The following DLC1 variants were observed in gnomAD, a reference collection of about 807,000 sequenced individuals.
The protein encoded by DLC1 is rho GTPase-activating protein 7.
DLC1 carries 54 observed loss-of-function variants against 140.3 expected under a neutral mutation model. That is an observed-to-expected ratio of 0.38 (90% CI 0.31 to 0.48). The LOEUF is 0.48. Ranked by LOEUF, DLC1 falls within the 20% of genes least tolerant of loss-of-function variation. The pLI, the probability that DLC1 is intolerant of heterozygous loss-of-function variation, is 0.96. For missense variants in DLC1, 2,536 were observed against 1,907.0 expected (o/e 1.33, Z -6.14); for synonymous variants, 986 against 728.1 (o/e 1.35, Z -5.70).
intron 5 of DLC1, among the ~76,000 whole-genome samples, chr8:13,206,977 C>T (rs1434943296): frequency 1.3e-5 from 2 of 151,782 alleles, no homozygotes; most frequent in Non-Finnish European, 2.9e-5. Context: ...TTTGTTTCTC[C>T]AAGATAAAGA....
chr8:13,458,455 A>T (rs1391428392), intron 2 of DLC1, among the ~76,000 whole-genome samples: 1 of 152,232 alleles, frequency 6.6e-6, no homozygotes, highest in African/African-American at 2.4e-5. Context: ...GGTAAGATAC[A>T]GTCAGCAAAA....
intron 2 of DLC1, among the ~76,000 whole-genome samples, chr8:13,483,766 A>T (rs562998661): frequency 6.6e-6 from 1 of 152,106 alleles, no homozygotes; most frequent in African/African-American, 2.4e-5. Flanking sequence ...TAGAAGGGAG[A>T]AGTACAGATT....
At chr8:13,487,403 G>A (rs1801017406) in intron 2 of DLC1, among the ~76,000 whole-genome samples, 1 of 151,966 alleles carries the variant, frequency 6.6e-6, no homozygotes, top group Non-Finnish European at 1.5e-5. Flanking sequence ...TTGACATTCA[G>A]TCTCAAAATT....
chr8:13,174,605 C>T (rs1372032632), intron 5 of DLC1, among the ~76,000 whole-genome samples: 2 of 152,112 alleles, frequency 1.3e-5, no homozygotes, highest in African/African-American at 4.8e-5. Context: ...ATTTGCATTT[C>T]TCTGATGATT....
Position 13,202,502 on chromosome 8 carries a change from C to T in DLC1, c.1349-86845G>A, listed in dbSNP as rs778780528. On this transcript the variant is annotated intron_variant, in intron 5 of 17. Transcript: ENST00000276297. ...TATTCTCCAGACTTAGTAAAATTGC[C>T]GTCTTTCTACCATCTCTGCAGAATT... Among the ~76,000 whole-genome samples the T allele has an allele frequency of 7.4e-4, 113 of 152,122 alleles. 2 individuals are homozygous for T. The highest frequency in any genetic ancestry group is 1.1e-3 in the Non-Finnish European group (76 of 67,984).
intron 2 of DLC1, among the ~76,000 whole-genome samples, chr8:13,479,796 G>GA (rs1408640401): frequency 9.6e-5 from 2 of 20,928 alleles, no homozygotes; most frequent in African/African-American, 2.3e-4. Flanking sequence ...GGAAAAGAAA[G>GA]AAAGAAAAGA....
chr8:13,102,149 T>C (rs1355373740), intron 8 of DLC1, among the ~76,000 whole-genome samples: 1 of 152,190 alleles, frequency 6.6e-6, no homozygotes, highest in Non-Finnish European at 1.5e-5. Flanking sequence ...ACCAGACTCA[T>C]TCCTGTTTAC....
chr8:13,529,346 C>G (rs1211452553), intron 1 of DLC1, among the ~76,000 whole-genome samples: 1 of 152,094 alleles, frequency 6.6e-6, no homozygotes, highest in Non-Finnish European at 1.5e-5. Flanking sequence ...GCATTATACC[C>G]TACAATAATT....
chr8:13,290,569 T>G (rs1831717978), intron 5 of DLC1, among the ~76,000 whole-genome samples: 1 of 152,196 alleles, frequency 6.6e-6, no homozygotes, highest in African/African-American at 2.4e-5. Context: ...ACATGTGGTT[T>G]TTATTATATA....
At chr8:13,422,745 C>T (rs530790494) in intron 2 of DLC1, among the ~76,000 whole-genome samples, 9 of 151,872 alleles carry the variant, frequency 5.9e-5, no homozygotes, top group Admixed American at 4.6e-4. Flanking sequence ...TAAATAAATC[C>T]TCTCTTAAGG....
intron 2 of DLC1, among the ~76,000 whole-genome samples, chr8:13,481,762 G>C (rs1276374295): frequency 2.0e-5 from 3 of 152,104 alleles, no homozygotes; most frequent in African/African-American, 7.2e-5. Context: ...ACTTTATTTG[G>C]AAATAGGGTT....
In DLC1 at chr8:13,116,102, G is replaced by A. The variant is rs1448603710; in HGVS notation, c.1349-445C>T. On this transcript the variant is annotated intron_variant, in intron 5 of 17. Transcript: ENST00000276297. Reference sequence around the variant, plus strand: ...TAGAATTTATCTGAGTAAAGTCACAGGCTTTCTGACACCCAGGGGTTGGGT... The same window carrying A: ...TAGAATTTATCTGAGTAAAGTCACAAGCTTTCTGACACCCAGGGGTTGGGT... The A allele has an allele frequency of 8.2e-6, 8 of 971,934 alleles. No individual in the cohort carries two copies. The African/African-American group carries it at 1.4e-4, about 17-fold the overall frequency. The allele number at this position is 971,934 out of a possible 1,614,324, so 60.2% of individuals were successfully genotyped here. A position where few individuals can be genotyped will look rare whatever the true frequency, so the allele number is the denominator to read the frequency against.
chr8:13,235,527 T>A (rs1309969074), intron 5 of DLC1, among the ~76,000 whole-genome samples: 1 of 152,062 alleles, frequency 6.6e-6, no homozygotes, highest in Admixed American at 6.6e-5. Context: ...AAGTAGCTAT[T>A]CTAGGCAGAT....
intron 7 of DLC1, among the ~76,000 whole-genome samples, chr8:13,108,882 G>T (rs1418662208): frequency 6.6e-6 from 1 of 152,108 alleles, no homozygotes. Context: ...TCCCGAAACT[G>T]CATCTGGTTT....
chr8:13,440,008 C>G (rs1021760677), intron 2 of DLC1, among the ~76,000 whole-genome samples: 4 of 152,128 alleles, frequency 2.6e-5, no homozygotes, highest in African/African-American at 4.8e-5. Context: ...AGCCTATTCA[C>G]TGAACATTCA....
intron 1 of DLC1, among the ~76,000 whole-genome samples, chr8:13,559,829 A>G (rs530457237): frequency 1.3e-5 from 2 of 152,352 alleles, no homozygotes; most frequent in East Asian, 1.9e-4. Flanking sequence ...AAGGAAACAC[A>G]TTATATTTAG....
chr8:13,554,971 C>G (rs1349203535), intron 1 of DLC1, among the ~76,000 whole-genome samples: 1 of 152,254 alleles, frequency 6.6e-6, no homozygotes, highest in Admixed American at 6.5e-5. Flanking sequence ...CTCCCACCCA[C>G]AAAGCATCTT....
chr8:13,303,100 T>G (rs1260239834), intron 5 of DLC1, among the ~76,000 whole-genome samples: 1 of 152,232 alleles, frequency 6.6e-6, no homozygotes, highest in African/African-American at 2.4e-5. Context: ...AATCCTTTAT[T>G]TCTTAAATGA....
chr8:13,599,599 G>A (rs1253455088), intron 1 of DLC1, among the ~76,000 whole-genome samples: 2 of 151,960 alleles, frequency 1.3e-5, no homozygotes, highest in African/African-American at 4.8e-5. Context: ...AACTACGGAA[G>A]TTGAAGAAGT....
Sources: allele counts gnomAD v4.1 joint callset (sites outside exome capture counted in the v4.1 genomes callset), GRCh38; gene constraint gnomAD v4.1.1; transcripts MANE v1.5; gene names NCBI Gene and HGNC (gene_info 2026-07-23, HGNC 2026-07-21).